PRDM5: variants seen among roughly 807,000 people sequenced by gnomAD.
PRDM5 encodes PR/SET domain 5.
Under a neutral mutation model 81.2 loss-of-function variants are expected in PRDM5, and 56 were observed. That is an observed-to-expected ratio of 0.69 (90% confidence interval 0.56 to 0.86). The LOEUF is 0.86. Among genes scored for constraint, PRDM5 ranks in the 40% least tolerant of loss-of-function variants. The pLI, the probability that PRDM5 is intolerant of heterozygous loss-of-function variation, is 0.00. For missense variants in PRDM5, 697 were observed against 770.1 expected, an observed-to-expected ratio of 0.91 and a Z score of 1.12; for synonymous variants, 267 against 256.4, an observed-to-expected ratio of 1.04 and a Z score of -0.39.
chr4:120,743,836 C>T (rs1194183992), intron 14 of PRDM5, among the ~76,000 whole-genome samples: 6 of 146,136 alleles, frequency 4.1e-5, no homozygotes, highest in Admixed American at 6.9e-5. Context: ...TAATGGGAGA[C>T]TTTAACACCC....
Position 120,922,632 on chromosome 4 carries a change from C to T in PRDM5, c.-24G>A. ...ATTTTCCCGGGCGCGGCGGCCGCCGCCTCTCTCAACACCGGCGCTTAGCGC... is the reference window on the plus strand; with the variant it reads ...ATTTTCCCGGGCGCGGCGGCCGCCGTCTCTCTCAACACCGGCGCTTAGCGC... On this transcript the variant is annotated 5_prime_UTR_variant, in exon 1 of 16. Transcript: ENST00000264808. 1 of 1,578,884 alleles carries T rather than the reference C, an allele frequency of 6.3e-7. No homozygotes were observed. Among genetic ancestry groups the T allele is most frequent in the Non-Finnish European group, 8.6e-7 (1 of 1,163,694 alleles).
intron 8 of PRDM5, among the ~76,000 whole-genome samples, chr4:120,802,774 G>C (rs1234095161): frequency 1.3e-5 from 2 of 152,188 alleles, no homozygotes; most frequent in African/African-American, 4.8e-5. Context: ...GAGCAGAAAA[G>C]CTGAAAATTT....
chr4:120,748,742 A>G (rs1306091818), intron 14 of PRDM5, among the ~76,000 whole-genome samples: 3 of 152,064 alleles, frequency 2.0e-5, no homozygotes, highest in African/African-American at 7.2e-5. Flanking sequence ...GGGACAGGAA[A>G]AGGTAGATCT....
chr4:120,903,382 C>T (rs979160202), intron 2 of PRDM5, among the ~76,000 whole-genome samples: 5 of 152,194 alleles, frequency 3.3e-5, no homozygotes, highest in Non-Finnish European at 7.3e-5. Context: ...TGAATCCTAG[C>T]ACCTCCAAAG....
chr4:120,704,277 A>G (rs1735790848), intron 15 of PRDM5, among the ~76,000 whole-genome samples: 1 of 152,196 alleles, frequency 6.6e-6, no homozygotes, highest in South Asian at 2.1e-4. Context: ...ATGAACCTGA[A>G]TGCAGTCAGT....
At chr4:120,848,591 A>T (rs1561479145) in intron 3 of PRDM5, among the ~76,000 whole-genome samples, 1 of 152,202 alleles carries the variant, frequency 6.6e-6, no homozygotes, top group Non-Finnish European at 1.5e-5. Flanking sequence ...ATAACTGCTA[A>T]CTGGCATGCA....
In PRDM5 at chr4:120,879,834, TA is replaced by T. The variant is rs928176823; in HGVS notation, c.178-26295del. Among the ~76,000 whole-genome samples the T allele has an allele frequency of 1.4e-3, 208 of 149,212 alleles. 1 individual carries two copies. Among genetic ancestry groups the T allele is most frequent in the African/African-American group, 4.6e-3 (187 of 40,694 alleles). On this transcript the variant is annotated intron_variant, in intron 2 of 15. Coordinates refer to ENST00000264808, the MANE Select transcript of PRDM5 (RefSeq NM_018699.4). The stretch of plus-strand genomic sequence containing the variant: ...GAAAAGGCAAAACTATGGAGATAGT[TA>T]AAAAAAAAATCAATGACTGCTGGGC...
intron 2 of PRDM5, among the ~76,000 whole-genome samples, chr4:120,904,001 C>A (rs974167067): frequency 6.6e-6 from 1 of 151,662 alleles, no homozygotes; most frequent in Non-Finnish European, 1.5e-5. Context: ...ACCAGCCTGG[C>A]CAACATGGTA....
At position 120,781,208 on chromosome 4, in the gene PRDM5, T is replaced by G; in HGVS notation, c.1378A>C (p.Lys460Gln). 1 of 1,613,288 alleles carries G rather than the reference T, an allele frequency of 6.2e-7. No homozygotes were observed. Residue 460 changes from lysine to glutamine, a missense_variant, in exon 12 of 16, where the codon AAG becomes CAG. Lys to Gln is a moderately conservative substitution (Grantham distance 53, BLOSUM62 1). Transcript: ENST00000264808. ...HVQVVHERHK[K>Q]YRCELCNKAF... ...TTATTACATAGCTCACACCTATACT[T>G]CTTGTGTCTTTCATGAACCACCTGG...
chr4:120,704,655 C>T (rs1272763930), intron 15 of PRDM5, among the ~76,000 whole-genome samples: 2 of 152,160 alleles, frequency 1.3e-5, no homozygotes, highest in Non-Finnish European at 2.9e-5. Flanking sequence ...CTTGTGGAGT[C>T]CACGTTCTAA....
chr4:120,808,849 G>A (rs939905545), intron 8 of PRDM5, among the ~76,000 whole-genome samples: 7 of 152,194 alleles, frequency 4.6e-5, no homozygotes, highest in South Asian at 4.1e-4. Flanking sequence ...CGGGCTGGCC[G>A]GCTGCTTCAA....
intron 10 of PRDM5, among the ~76,000 whole-genome samples, chr4:120,796,462 T>C (rs1048882040): frequency 3.9e-5 from 6 of 152,216 alleles, no homozygotes; most frequent in Non-Finnish European, 8.8e-5. Flanking sequence ...AATTCCCATA[T>C]GGCATATAAC....
At chr4:120,725,237 ATCT>A (rs920704218) in intron 14 of PRDM5, among the ~76,000 whole-genome samples, 2 of 151,206 alleles carry the variant, frequency 1.3e-5, no homozygotes, top group African/African-American at 4.9e-5. Flanking sequence ...GAAAATTAGC[ATCT>A]TTACTATTTA....
intron 13 of PRDM5, among the ~76,000 whole-genome samples, chr4:120,775,376 A>G (rs2149221218): frequency 6.6e-6 from 1 of 152,260 alleles, no homozygotes; most frequent in East Asian, 1.9e-4. Context: ...TTACTAGTGT[A>G]AGTGCTTTAT....
chr4:120,700,664 G>A (rs1254579761), intron 15 of PRDM5, among the ~76,000 whole-genome samples: 2 of 152,040 alleles, frequency 1.3e-5, no homozygotes, highest in African/African-American at 4.8e-5. Context: ...ACATATATAT[G>A]CACTACTGTA....
chr4:120,876,534 A>C (rs1486895838), intron 2 of PRDM5, among the ~76,000 whole-genome samples: 1 of 152,206 alleles, frequency 6.6e-6, no homozygotes, highest in Non-Finnish European at 1.5e-5. Flanking sequence ...TTTTAGGAAC[A>C]TATATTGCAT....
At chr4:120,885,384 GC>G (rs1219836807) in intron 2 of PRDM5, 1 of 152,094 alleles carries the variant, frequency 6.6e-6, no homozygotes, top group African/African-American at 2.4e-5. Flanking sequence ...TAATCCACCA[GC>G]CCTGAAGCCT....
At chr4:120,876,571 A>G (rs1161498491) in intron 2 of PRDM5, among the ~76,000 whole-genome samples, 3 of 152,210 alleles carry the variant, frequency 2.0e-5, no homozygotes, top group Admixed American at 6.5e-5. Context: ...GTATAACCAA[A>G]CAACTAAAGA....
chr4:120,909,671 G>T (rs532674635), intron 1 of PRDM5, among the ~76,000 whole-genome samples: 1 of 148,356 alleles, frequency 6.7e-6, no homozygotes, highest in African/African-American at 2.5e-5. Flanking sequence ...GAGGACTAAA[G>T]AGGAAAGAAT....
Sources: gnomAD v4.1 joint callset for allele counts (sites outside exome capture counted in the v4.1 genomes callset) on GRCh38, gnomAD v4.1.1 for gene constraint, MANE v1.5 for transcripts, NCBI Gene and HGNC (gene_info 2026-07-23, HGNC 2026-07-21) for gene names.